CBLN2: variants seen among roughly 807,000 people sequenced by gnomAD.
CBLN2 encodes cerebellin 2 precursor.
Under a neutral mutation model 15.0 loss-of-function variants are expected in CBLN2, and 7 were observed. That is an observed-to-expected ratio of 0.47 (90% confidence interval 0.27 to 0.88). The LOEUF (loss-of-function observed/expected upper bound fraction) is 0.88. CBLN2 is among the 40% of genes least tolerant of loss of function. The probability of loss-of-function intolerance (pLI) is 0.14; values close to 1 mark genes in which losing one functional copy is unlikely to be tolerated. For missense variants in CBLN2, 242 were observed against 304.5 expected, an observed-to-expected ratio of 0.79 and a Z score of 1.53; for synonymous variants, 149 against 135.2, an observed-to-expected ratio of 1.10 and a Z score of -0.71.
chr18:72,617,890 A>C (rs751288269), intron 1 of CBLN2, among the ~76,000 whole-genome samples: 2 of 152,204 alleles, frequency 1.3e-5, no homozygotes, highest in African/African-American at 2.4e-5. Context: ...GAAAAAAGAG[A>C]GTAATTATGT....
Position 72,568,400 on chromosome 18 carries a change from T to C in CBLN2, c.16-29628A>G, listed in dbSNP as rs569143990. ...GATTCTGAACATCTCTCAACTGTGC[T>C]TGCTGTGACTTCATGTCAGTAGCTT... On this transcript the variant is annotated intron_variant, in intron 1 of 2. Transcript: ENST00000581073. Among the ~76,000 whole-genome samples, 6 of 152,292 alleles carry C rather than the reference T, an allele frequency of 3.9e-5. No individual in the cohort carries two copies. The East Asian group carries it at 9.6e-4, about 24-fold the overall frequency.
chr18:72,624,958 T>G (rs1441271490), intron 1 of CBLN2, among the ~76,000 whole-genome samples: 1 of 152,138 alleles, frequency 6.6e-6, no homozygotes, highest in Non-Finnish European at 1.5e-5. Flanking sequence ...GAAGCAGCTT[T>G]AGAAAAAGTA....
rs1394549716 is a variant in CBLN2, at chr18:72,544,302, C to T, written c.-537G>A. ...TCCCGCAGGGCTAGAAGAGGGGCCT[C>T]CGGCCCGGGTCTGTGTGTCTGCTCC... is the stretch of plus-strand genomic sequence containing the variant. On this transcript the variant is annotated 5_prime_UTR_variant, in exon 1 of 5. Transcript: ENST00000269503. The T allele has an allele frequency of 1.3e-5, 2 of 152,236 alleles. No individual in the cohort carries two copies. The highest frequency in any genetic ancestry group is 4.8e-5 in the African/African-American group (2 of 41,474). 9.4% of individuals were successfully genotyped at this position (152,236 alleles called of 1,614,324 possible).
upstream of CBLN2, among the ~76,000 whole-genome samples, chr18:72,545,829 C>T (rs2069153901): frequency 6.6e-6 from 1 of 152,206 alleles, no homozygotes; most frequent in African/African-American, 2.4e-5. Context: ...CATCTTTCCT[C>T]AATACTGTAA....
At chr18:72,593,230 T>C (rs1369353238) in intron 1 of CBLN2, among the ~76,000 whole-genome samples, 1 of 152,136 alleles carries the variant, frequency 6.6e-6, no homozygotes, top group East Asian at 1.9e-4. Context: ...TCTTCCTTGG[T>C]ATTTTATTTT....
At chr18:72,579,162 A>C (rs2069387175) in intron 1 of CBLN2, among the ~76,000 whole-genome samples, 1 of 152,250 alleles carries the variant, frequency 6.6e-6, no homozygotes, top group African/African-American at 2.4e-5. Context: ...CAATACTATT[A>C]CTGCCTTTAT....
At chr18:72,621,211 A>T (rs1229012039) in intron 1 of CBLN2, among the ~76,000 whole-genome samples, 1 of 152,112 alleles carries the variant, frequency 6.6e-6, no homozygotes, top group Non-Finnish European at 1.5e-5. Flanking sequence ...TCACAATTTT[A>T]CCTCTTTAAT....
intron 1 of CBLN2, among the ~76,000 whole-genome samples, chr18:72,604,588 G>A (rs1432078): frequency 0.53 from 80,597 of 151,982 alleles, 25,754 homozygotes; most frequent in Non-Finnish European, 0.73. Flanking sequence ...TAGAGAGGGG[G>A]GCCTTTTAGA....
At position 72,581,339 on chromosome 18, in the gene CBLN2, A is replaced by G. The variant is rs999175935; in HGVS notation, c.16-42567T>C. Among the ~76,000 whole-genome samples, 30 of 152,360 alleles carry G rather than the reference A, an allele frequency of 2.0e-4. 1 individual carries two copies. Among genetic ancestry groups the G allele is most frequent in the African/African-American group, 7.2e-4 (30 of 41,590 alleles). Reference sequence around the variant, plus strand: ...TTCTGCAATGATTATAACAATTTATATATCTACTATCAATATATGAGAATT... The same window carrying G: ...TTCTGCAATGATTATAACAATTTATGTATCTACTATCAATATATGAGAATT... On this transcript the variant is annotated intron_variant, in intron 1 of 2. Transcript: ENST00000581073.
chr18:72,550,451 T>A (rs1254295465), intron 1 of CBLN2, among the ~76,000 whole-genome samples: 1 of 152,168 alleles, frequency 6.6e-6, no homozygotes, highest in Admixed American at 6.5e-5. Context: ...TGCTGATAAG[T>A]CAGAGGGTGG....
rs1333974808 is a variant in CBLN2, at chr18:72,561,234, A to G, written c.16-22462T>C. 3.6e-5 allele frequency among the ~76,000 whole-genome samples: 4 copies of G among 110,824 alleles called. No homozygotes were observed. In the South Asian group the frequency reaches 1.4e-3, roughly 39 times the overall value. The allele number at this position is 110,824 out of a possible 152,430, so 72.7% of individuals were successfully genotyped here. On this transcript the variant is annotated intron_variant, in intron 1 of 2. Transcript: ENST00000581073. Reference sequence around the variant, plus strand: ...TCACTCCCAGGAAACCAAAATAAAAACAACAACCCAAAAAAAAAAAAAAAA... The same window carrying G: ...TCACTCCCAGGAAACCAAAATAAAAGCAACAACCCAAAAAAAAAAAAAAAA...
chr18:72,542,145 G>C lies in CBLN2; in HGVS notation c.16C>G (p.Arg6Gly). 7 of 1,316,520 alleles carry C rather than the reference G, an allele frequency of 5.3e-6. No homozygotes were observed. The highest frequency in any genetic ancestry group is 6.7e-6 in the Non-Finnish European group (7 of 1,040,712). The allele number at this position is 1,316,520 out of a possible 1,614,324, so 81.6% of individuals were successfully genotyped here. Reference sequence around the variant, plus strand: ...ATCAGCCGCAGCCCGAGTGGCCCCCGGCCGGGCGCCTGCATCGGGACTGGT... The same window carrying C: ...ATCAGCCGCAGCCCGAGTGGCCCCCCGCCGGGCGCCTGCATCGGGACTGGT... MQAPG[R>G]GPLGLRLMMP... The change falls in exon 3 of 5, where the codon CGG becomes GGG. Residue 6 changes from arginine to glycine, a missense_variant. Transcript: ENST00000269503.
chr18:72,615,088 T>C (rs1408661614), intron 1 of CBLN2, among the ~76,000 whole-genome samples: 3 of 137,354 alleles, frequency 2.2e-5, no homozygotes, highest in Non-Finnish European at 3.1e-5. Flanking sequence ...ATAGAAAATA[T>C]ATATAAATAT....
At chr18:72,558,599 C>G (rs755918143) in intron 1 of CBLN2, among the ~76,000 whole-genome samples, 1 of 152,160 alleles carries the variant, frequency 6.6e-6, no homozygotes, top group Non-Finnish European at 1.5e-5. Flanking sequence ...TTACTTCACT[C>G]CCCATAAATT....
At chr18:72,630,143 C>T (rs1252830558) in intron 1 of CBLN2, among the ~76,000 whole-genome samples, 2 of 152,130 alleles carry the variant, frequency 1.3e-5, no homozygotes, top group Non-Finnish European at 2.9e-5. Context: ...ATAAAACTGT[C>T]AATCCCCTGG....
chr18:72,590,402 C>T (rs2069472872), intron 1 of CBLN2, among the ~76,000 whole-genome samples: 1 of 151,986 alleles, frequency 6.6e-6, no homozygotes, highest in African/African-American at 2.4e-5. Context: ...GCCATGATTG[C>T]ACTATTGCAC....
At chr18:72,554,542 G>A (rs761747645) in intron 1 of CBLN2, among the ~76,000 whole-genome samples, 13 of 151,124 alleles carry the variant, frequency 8.6e-5, no homozygotes, top group African/African-American at 2.0e-4. Context: ...GTATATACAC[G>A]TATCATAACA....
chr18:72,610,628 T>G (rs1462244574), intron 1 of CBLN2, among the ~76,000 whole-genome samples: 1 of 152,176 alleles, frequency 6.6e-6, no homozygotes, highest in Admixed American at 6.6e-5. Flanking sequence ...ATGTTACTCC[T>G]CTGAAGCAAT....
intron 1 of CBLN2, among the ~76,000 whole-genome samples, chr18:72,608,211 C>T (rs1015348520): frequency 6.6e-6 from 1 of 152,120 alleles, no homozygotes; most frequent in East Asian, 1.9e-4. Context: ...TCGTAAGAAT[C>T]CATTCCTTTC....
Sources: allele counts gnomAD v4.1 joint callset (sites outside exome capture counted in the v4.1 genomes callset), GRCh38; gene constraint gnomAD v4.1.1; transcripts MANE v1.5; gene names NCBI Gene and HGNC (gene_info 2026-07-23, HGNC 2026-07-21).